C8A: variants seen among roughly 807,000 people sequenced by gnomAD.
C8A encodes the protein complement C8 alpha chain.
A neutral mutation model predicts 65.3 loss-of-function variants in C8A; 67 were observed. The ratio of observed to expected loss-of-function variants is 1.03; its 90% CI spans 0.84 to 1.26. The LOEUF is 1.26. Ranked by LOEUF, C8A falls within the 50% of genes most tolerant of loss-of-function variation. The pLI, the probability that C8A is intolerant of heterozygous loss-of-function variation, is 0.00. For synonymous variants in C8A, 290 were observed against 259.4 expected (o/e 1.12, Z -1.13); for missense variants, 781 against 723.9 (o/e 1.08, Z -0.90).
chr1:56,868,622 A>G (rs2101202645), intron 2 of C8A, among the ~76,000 whole-genome samples: 2 of 152,174 alleles, frequency 1.3e-5, no homozygotes, highest in African/African-American at 4.8e-5. Context: ...TGTCTCATAA[A>G]TAAATAAATA....
chr1:56,879,977 G>T (rs1470629547), intron 4 of C8A, among the ~76,000 whole-genome samples: 1 of 152,134 alleles, frequency 6.6e-6, no homozygotes, highest in Admixed American at 6.6e-5. Context: ...CATCCCTTGG[G>T]AACACAGAGG....
chr1:56,863,877 C>T (rs1358785471), intron 1 of C8A, among the ~76,000 whole-genome samples: 2 of 148,522 alleles, frequency 1.3e-5, no homozygotes, highest in Non-Finnish European at 3.0e-5. Context: ...CTCCCTCCCT[C>T]CTTCTCTCCC....
In C8A at chr1:56,854,804, T is replaced by C. The variant is rs774847650; in HGVS notation, c.-98T>C. ...GGGTGAGTTTCCAACATCAGATAGA[T>C]CTTACAGGTCCCAGCCTGTAGACAT... is the stretch of plus-strand genomic sequence containing the variant. On this transcript the variant is annotated 5_prime_UTR_variant, in exon 1 of 11. Transcript: ENST00000361249. The C allele has an allele frequency of 6.1e-5, 59 of 960,398 alleles. No individual in the cohort carries two copies. Among genetic ancestry groups the C allele is most frequent in the Non-Finnish European group, 8.6e-5 (52 of 607,180 alleles). The allele number at this position is 960,398 out of a possible 1,614,324, so 59.5% of individuals were successfully genotyped here.
chr1:56,882,023 A>G (rs1369645651), intron 5 of C8A, among the ~76,000 whole-genome samples: 1 of 152,176 alleles, frequency 6.6e-6, no homozygotes, highest in Non-Finnish European at 1.5e-5. Context: ...AGGACAGGGC[A>G]TAGATGAGCA....
chr1:56,877,037 G>C (rs1170425618), intron 4 of C8A, among the ~76,000 whole-genome samples: 1 of 152,154 alleles, frequency 6.6e-6, no homozygotes, highest in Admixed American at 6.6e-5. Flanking sequence ...CAAGAGGACT[G>C]GTGGCTTTAT....
At chr1:56,867,780 C>A in intron 2 of C8A, 78 bp downstream of exon 2, 1 of 1,062,966 alleles carries the variant, frequency 9.4e-7, no homozygotes, top group Non-Finnish European at 1.5e-6. Flanking sequence ...ATTAAGCAGT[C>A]CACTATGTCT....
intron 2 of C8A, among the ~76,000 whole-genome samples, chr1:56,870,747 T>C (rs1488712371): frequency 4.0e-5 from 6 of 150,166 alleles, no homozygotes; most frequent in Admixed American, 3.3e-4. Flanking sequence ...TAAATCAGAA[T>C]AGAATTATTT....
chr1:56,878,856 C>T (rs1028040921), intron 4 of C8A, among the ~76,000 whole-genome samples: 1 of 151,974 alleles, frequency 6.6e-6, no homozygotes, highest in Non-Finnish European at 1.5e-5. Flanking sequence ...GAAAATATAC[C>T]TATGTGTACT....
intron 1 of C8A, among the ~76,000 whole-genome samples, chr1:56,861,663 TA>T (rs1644034572): frequency 6.6e-6 from 1 of 152,156 alleles, no homozygotes; most frequent in Admixed American, 6.5e-5. Context: ...AAAACAAAAC[TA>T]GACAATTTTC....
chr1:56,912,201 C>T (rs1282346414), intron 9 of C8A, among the ~76,000 whole-genome samples: 1 of 152,218 alleles, frequency 6.6e-6, no homozygotes, highest in Non-Finnish European at 1.5e-5. Context: ...CACTGAGCCT[C>T]CCTTTCTTCT....
intron 4 of C8A, among the ~76,000 whole-genome samples, chr1:56,878,302 A>G (rs1644217122): frequency 6.6e-6 from 1 of 152,182 alleles, no homozygotes; most frequent in South Asian, 2.1e-4. Flanking sequence ...TCAACACATG[A>G]ATGTTGGGGA....
chr1:56,881,454 C>T lies in C8A; in HGVS notation c.474C>T (p.Ile158=), dbSNP rs1026156112. The T allele has an allele frequency of 9.3e-6, 15 of 1,613,552 alleles. No homozygotes were observed. Among genetic ancestry groups the T allele is most frequent in the Non-Finnish European group, 1.2e-5 (14 of 1,179,644 alleles). ...GSQKAALGYN[I]LTQEDAQSVY... The stretch of plus-strand genomic sequence containing the variant: ...GCTTTGTTCCATGTAGGTACAATAT[C>T]CTGACCCAGGAAGATGCTCAGAGTG... The change falls in exon 5 of 11, where the codon ATC becomes ATT. Residue 158 remains isoleucine (I), a synonymous_variant. Coordinates refer to ENST00000361249, the MANE Select transcript of C8A (RefSeq NM_000562.3).
chr1:56,859,297 T>C (rs750712453), intron 1 of C8A, among the ~76,000 whole-genome samples: 7 of 152,248 alleles, frequency 4.6e-5, no homozygotes, highest in Non-Finnish European at 1.0e-4. Flanking sequence ...AGATAATATA[T>C]TCAAGGTACT....
intron 1 of C8A, among the ~76,000 whole-genome samples, chr1:56,865,089 A>T (rs1644071740): frequency 6.6e-6 from 1 of 152,218 alleles, no homozygotes; most frequent in Non-Finnish European, 1.5e-5. Context: ...ATTAAACCTC[A>T]ATCCTTGAAT....
At chr1:56,898,158 G>A (rs1390323300) in intron 7 of C8A, among the ~76,000 whole-genome samples, 1 of 152,112 alleles carries the variant, frequency 6.6e-6, no homozygotes, top group Non-Finnish European at 1.5e-5. Flanking sequence ...TTCACTCAAA[G>A]GTTGGACTCG....
intron 1 of C8A, among the ~76,000 whole-genome samples, chr1:56,862,047 A>G (rs1324688010): frequency 1.3e-5 from 2 of 152,196 alleles, no homozygotes; most frequent in African/African-American, 4.8e-5. Flanking sequence ...GAAGCATCTC[A>G]CTTGTCCACA....
intron 7 of C8A, among the ~76,000 whole-genome samples, chr1:56,895,766 A>G (rs1320760847): frequency 1.3e-5 from 2 of 151,962 alleles, no homozygotes; most frequent in African/African-American, 4.8e-5. Context: ...TAGGGAGACC[A>G]TATCTCTATA....
chr1:56,911,245 G>A (rs1268825499), intron 9 of C8A, among the ~76,000 whole-genome samples: 1 of 152,028 alleles, frequency 6.6e-6, no homozygotes, highest in Non-Finnish European at 1.5e-5. Context: ...TTAGACAGGG[G>A]CAGTTAGGCC....
intron 7 of C8A, among the ~76,000 whole-genome samples, chr1:56,899,761 A>T (rs1644412659): frequency 1.3e-5 from 2 of 152,200 alleles, no homozygotes; most frequent in South Asian, 4.1e-4. Context: ...GCAACACTTG[A>T]CTGTGATTGC....
Sources: allele counts gnomAD v4.1 joint callset (sites outside exome capture counted in the v4.1 genomes callset), GRCh38; gene constraint gnomAD v4.1.1; transcripts MANE v1.5; gene names NCBI Gene and HGNC (gene_info 2026-07-23, HGNC 2026-07-21).